The following LAMB4 variants were observed in gnomAD, a reference collection of about 807,000 sequenced individuals.
The protein encoded by LAMB4 is laminin subunit beta 4.
A neutral mutation model predicts 199.2 loss-of-function variants in LAMB4; 196 were observed. The ratio of observed to expected loss-of-function variants is 0.98; its 90% CI spans 0.88 to 1.11. The LOEUF is 1.11. Among genes scored for constraint, LAMB4 ranks in the 50% least tolerant of loss-of-function variants. LAMB4 has a pLI of 0.00. For missense variants in LAMB4, 2,080 were observed against 2,171.2 expected, an observed-to-expected ratio of 0.96 and a Z score of 0.83; for synonymous variants, 744 against 770.6, an observed-to-expected ratio of 0.97 and a Z score of 0.57.
intron 28 of LAMB4, among the ~76,000 whole-genome samples, chr7:108,044,754 G>T (rs2035555062): frequency 6.6e-6 from 1 of 151,870 alleles, no homozygotes; most frequent in South Asian, 2.1e-4. Flanking sequence ...GGAGTTCAAG[G>T]CCAGCCTGGC....
chr7:108,103,292 C>T (rs777099541), intron 9 of LAMB4, 60 bp from the exon 10 acceptor site: 96 of 1,395,636 alleles, frequency 6.9e-5, no homozygotes, highest in Middle Eastern at 2.3e-4. Flanking sequence ...ACAGCCAGTG[C>T]CCCCGCACTG....
Position 108,049,362 on chromosome 7 carries a change from C to A in LAMB4, c.4086G>T (p.Gln1362His). Residue 1362 changes from glutamine to histidine, a missense_variant, in exon 27 of 34, where the codon CAG becomes CAT. Gln to His is a conservative substitution (Grantham distance 24). Coordinates refer to ENST00000388781, the MANE Select transcript of LAMB4 (RefSeq NM_007356.3). Reference sequence around the variant, plus strand: ...ATATTTGGATATCTGGTATCTTAATCTGCTTTAATCTTTCCAATGACAAGT... The same window carrying A: ...ATATTTGGATATCTGGTATCTTAATATGCTTTAATCTTTCCAATGACAAGT... ...KGNLSLERLKQIKIPDIQILN... is the reference protein window; with the variant it reads ...KGNLSLERLKHIKIPDIQILN... 1 of 1,580,512 alleles carries A rather than the reference C, an allele frequency of 6.3e-7. No individual in the cohort carries two copies. Among genetic ancestry groups the A allele is most frequent in the Non-Finnish European group, 8.7e-7 (1 of 1,152,994 alleles).
chr7:108,053,815 A>G (rs2035898211), intron 25 of LAMB4, among the ~76,000 whole-genome samples: 2 of 152,180 alleles, frequency 1.3e-5, no homozygotes, highest in Non-Finnish European at 2.9e-5. Flanking sequence ...ATGGTGTCTA[A>G]CCACAAGCTT....
At chr7:108,111,147 G>A (rs956903100) in intron 4 of LAMB4, among the ~76,000 whole-genome samples, 2 of 152,156 alleles carry the variant, frequency 1.3e-5, no homozygotes, top group Admixed American at 6.5e-5. Context: ...AGGAAAGTCC[G>A]GCCTGGATGG....
intron 29 of LAMB4, among the ~76,000 whole-genome samples, chr7:108,039,174 T>A (rs2035332458): frequency 6.6e-6 from 1 of 152,078 alleles, no homozygotes; most frequent in Admixed American, 6.5e-5. Flanking sequence ...GAGAGTAGTG[T>A]GCTTAGAAGG....
chr7:108,122,995 T>C, intron 2 of LAMB4, 136 bp downstream of exon 2: 3 of 674,388 alleles, frequency 4.4e-6, no homozygotes, highest in African/African-American at 1.9e-5. Context: ...CTTGACACAA[T>C]TACACAACAA....
downstream of LAMB4, among the ~76,000 whole-genome samples, chr7:108,020,470 CAA>C (rs57432162): frequency 0.033 from 2,078 of 62,884 alleles, 33 homozygotes; most frequent in African/African-American, 0.084. Flanking sequence ...GACTCCATCT[CAA>C]AAAAAAAAAA....
rs77815350 is a variant in LAMB4 at position 108,057,535 on chromosome 7, T to G, written c.3379+297A>C. The stretch of plus-strand genomic sequence containing the variant: ...TGATAAGCCCATGATACCTGATATT[T>G]CTTTGGATTTTCTTCTTTTGGAAGC... On this transcript the variant is annotated intron_variant, in intron 24 of 33. Transcript: ENST00000388781. Among the ~76,000 whole-genome samples the G allele has an allele frequency of 6.6e-3, 1,003 of 152,298 alleles. 10 individuals carry two copies. Among genetic ancestry groups the G allele is most frequent in the African/African-American group, 0.023 (947 of 41,550 alleles).
chr7:108,123,524 A>G (rs2038672656), intron 1 of LAMB4, among the ~76,000 whole-genome samples: 1 of 152,176 alleles, frequency 6.6e-6, no homozygotes, highest in African/African-American at 2.4e-5. Flanking sequence ...TAAAAATTAC[A>G]CAGTTAATAC....
chr7:108,063,305 A>G lies in LAMB4; in HGVS notation c.3062-311T>C, dbSNP rs1584663469. ...CATTTATTTAAATGACTTGAAAACA[A>G]TGGTTTACGTACACATTACAGTCAC... On this transcript the variant is annotated intron_variant, in intron 22 of 33. Transcript: ENST00000388781. Among the ~76,000 whole-genome samples, 3 of 152,248 alleles carry G rather than the reference A, an allele frequency of 2.0e-5. No individual in the cohort carries two copies. The East Asian group carries it at 5.8e-4, about 29-fold the overall frequency.
the LAMB4 span, among the ~76,000 whole-genome samples, chr7:108,012,749 T>C: frequency 1.3e-5 from 2 of 152,204 alleles, no homozygotes; most frequent in East Asian, 1.9e-4. Flanking sequence ...CTGGCCCTTA[T>C]ATAATCTCTC....
intron 24 of LAMB4, 92 bp downstream of exon 24, chr7:108,057,740 A>T: frequency 1.3e-6 from 1 of 786,858 alleles, no homozygotes; most frequent in Non-Finnish European, 2.1e-6. Flanking sequence ...AAGCACCAAA[A>T]AAAGAAATTT....
Position 108,093,317 on chromosome 7 carries a change from G to A in LAMB4, c.1471-901C>T, listed in dbSNP as rs141792441. ...CCTGACCTCGTGATCCATCTGCCTCGGCCTCCCAAAGTGCTGGGATTACAG... is the reference window on the plus strand; with the variant it reads ...CCTGACCTCGTGATCCATCTGCCTCAGCCTCCCAAAGTGCTGGGATTACAG... On this transcript the variant is annotated intron_variant, in intron 12 of 33. Coordinates refer to ENST00000388781, the MANE Select transcript of LAMB4 (RefSeq NM_007356.3). 3.5e-3 allele frequency among the ~76,000 whole-genome samples: 527 copies of A among 152,042 alleles called. 4 individuals carry two copies. Among genetic ancestry groups the A allele is most frequent in the Non-Finnish European group, 4.7e-3 (317 of 67,982 alleles).
Position 108,107,637 on chromosome 7 carries a change from A to G in LAMB4, c.585T>C (p.Gly195=), listed in dbSNP as rs762648008. The change falls in exon 6 of 34, where the codon GGT becomes GGC. Residue 195 remains glycine (G), a synonymous_variant. Transcript: ENST00000388781. ...ACAAGGAAGGAAATGCTACCTCTCC[A>G]CCTGTTGAGGGTTCAATATCCGAGT... ...SKYSDIEPST[G]GEVVLKVLDP... is the part of the protein sequence containing the mutation. 7 of 1,596,992 alleles carry G rather than the reference A, an allele frequency of 4.4e-6. No individual in the cohort carries two copies. The South Asian group carries it at 8.1e-5, about 18-fold the overall frequency.
At position 108,030,949 on chromosome 7, in the gene LAMB4, C is replaced by T. The variant is rs191242127; in HGVS notation, c.4849G>A (p.Glu1617Lys). Residue 1617 changes from glutamate (E) to lysine (K), a missense_variant, in exon 32 of 34, where the codon GAG becomes AAG. Coordinates refer to ENST00000388781, the MANE Select transcript of LAMB4 (RefSeq NM_007356.3). ...AENQTREMKS[E>K]LELAKQRSGL... is the part of the protein sequence containing the mutation. ...GATCGCTGCTTTGCTAACTCCAGCT[C>T]ACTCTTCATTTCCCTGGTTTGATTT... The T allele has an allele frequency of 1.8e-5, 29 of 1,613,772 alleles. No homozygotes were observed. In the African/African-American group the frequency reaches 3.6e-4, roughly 20 times the overall value.
the LAMB4 span, among the ~76,000 whole-genome samples, chr7:108,016,189 A>G: frequency 6.6e-6 from 1 of 151,088 alleles, no homozygotes; most frequent in Admixed American, 6.6e-5. Context: ...CAACTAACAG[A>G]GTGGCCCTGG....
chr7:108,036,858 G>C (rs1033163632), intron 30 of LAMB4, among the ~76,000 whole-genome samples: 4 of 149,286 alleles, frequency 2.7e-5, no homozygotes, highest in African/African-American at 9.9e-5. Flanking sequence ...ATATTGGGTT[G>C]GTGCAAAAGG....
chr7:108,121,721 G>A (rs2038605954), intron 2 of LAMB4, among the ~76,000 whole-genome samples: 1 of 150,166 alleles, frequency 6.7e-6, no homozygotes, highest in African/African-American at 2.5e-5. Flanking sequence ...TTGCACTCCA[G>A]CCTGGGCGAC....
downstream of LAMB4, among the ~76,000 whole-genome samples, chr7:108,022,605 T>G (rs2034715428): frequency 6.6e-6 from 1 of 152,166 alleles, no homozygotes; most frequent in Non-Finnish European, 1.5e-5. Context: ...ATAACTAAAG[T>G]CTCAAGGCTG....
Sources: allele counts gnomAD v4.1 joint callset (sites outside exome capture counted in the v4.1 genomes callset), GRCh38; gene constraint gnomAD v4.1.1; transcripts MANE v1.5; gene names NCBI Gene and HGNC (gene_info 2026-07-23, HGNC 2026-07-21).